PCBD2: variants seen among roughly 807,000 people sequenced by gnomAD.
The protein encoded by PCBD2 is pterin-4-alpha-carbinolamine dehydratase 2.
PCBD2 carries 12 observed loss-of-function variants against 16.4 expected under a neutral mutation model. The ratio of observed to expected loss-of-function variants is 0.73; its 90% CI spans 0.47 to 1.19. The LOEUF (loss-of-function observed/expected upper bound fraction) is 1.19. PCBD2 is among the 50% of genes most tolerant of loss of function. The pLI is 0.00. For synonymous variants in PCBD2, 58 were observed against 61.8 expected, an observed-to-expected ratio of 0.94 and a Z score of 0.29; for missense variants, 138 against 156.8, an observed-to-expected ratio of 0.88 and a Z score of 0.64.
intron 2 of PCBD2, among the ~76,000 whole-genome samples, chr5:134,947,520 T>G (rs1751309912): frequency 6.6e-6 from 1 of 150,420 alleles, no homozygotes; most frequent in African/African-American, 2.5e-5. Flanking sequence ...CCCGAGTAGG[T>G]GGCACTACAG....
intron 2 of PCBD2, among the ~76,000 whole-genome samples, chr5:134,930,194 C>T (rs1310445669): frequency 6.6e-6 from 1 of 152,196 alleles, no homozygotes; most frequent in Non-Finnish European, 1.5e-5. Context: ...ACTCATGTCT[C>T]TCTCCAGCTA....
intron 2 of PCBD2, among the ~76,000 whole-genome samples, chr5:134,949,011 GAT>G (rs1751330306): frequency 1.3e-5 from 2 of 152,100 alleles, no homozygotes; most frequent in African/African-American, 4.8e-5. Context: ...CTCTGTGGCG[GAT>G]CAAGTAGATG....
chr5:134,923,459 A>G (rs77249591), intron 2 of PCBD2: 1 of 241,482 alleles, frequency 4.1e-6, no homozygotes, highest in East Asian at 8.2e-5. Context: ...GTAGGAATAG[A>G]AGGTGGAGCG....
intron 2 of PCBD2, among the ~76,000 whole-genome samples, chr5:134,954,790 G>C (rs1751396282): frequency 6.6e-6 from 1 of 151,608 alleles, no homozygotes; most frequent in Admixed American, 6.6e-5. Context: ...CACCCAGGCT[G>C]GAGTGCAGTG....
intron 3 of PCBD2, among the ~76,000 whole-genome samples, chr5:134,959,984 G>A (rs1457258448): frequency 2.1e-5 from 3 of 142,072 alleles, no homozygotes; most frequent in Admixed American, 7.6e-5. Context: ...TCCACCTCCC[G>A]GGTTCAAGCG....
At position 134,959,071 on chromosome 5, in the gene PCBD2, A is replaced by T. The variant is rs1471578941; in HGVS notation, c.248A>T (p.Gln83Leu). ...GGCTTTATGTCCCGAGTTGCCCTAC[A>T]AGCAGAGAAGATGAATCATCACCCA... ...AFGFMSRVALQAEKMNHHPEW... is the reference protein window; with the variant it reads ...AFGFMSRVALLAEKMNHHPEW... Residue 83 changes from glutamine to leucine, a missense_variant, in exon 3 of 4, where the codon CAA (glutamine) becomes CTA (leucine). By Grantham distance (113) the Gln-to-Leu change is moderately radical. Transcript: ENST00000254908. 6 of 1,613,956 alleles carry T rather than the reference A, an allele frequency of 3.7e-6. No homozygotes were observed. Among genetic ancestry groups the T allele is most frequent in the Non-Finnish European group, 5.1e-6 (6 of 1,179,968 alleles).
At chr5:134,929,891 C>T (rs936245282) in intron 2 of PCBD2, among the ~76,000 whole-genome samples, 3 of 152,136 alleles carry the variant, frequency 2.0e-5, no homozygotes, top group Admixed American at 1.3e-4. Context: ...GACAAGGTCT[C>T]GCTATGTTGC....
intron 2 of PCBD2, chr5:134,926,446 G>A (rs887232389): frequency 1.0e-5 from 4 of 393,158 alleles, no homozygotes; most frequent in African/African-American, 8.3e-5. Flanking sequence ...GGGTATAGTA[G>A]CGTACATGGT....
intron 2 of PCBD2, among the ~76,000 whole-genome samples, chr5:134,954,238 G>C (rs774043138): frequency 6.6e-6 from 1 of 152,198 alleles, no homozygotes; most frequent in Non-Finnish European, 1.5e-5. Context: ...TGGGATTACA[G>C]GCATGAACCA....
chr5:134,957,992 AC>A (rs1751433775), intron 2 of PCBD2, among the ~76,000 whole-genome samples: 1 of 152,240 alleles, frequency 6.6e-6, no homozygotes, highest in Non-Finnish European at 1.5e-5. Flanking sequence ...TAGGAAATAC[AC>A]ACTTAGGTCA....
chr5:134,937,700 T>C (rs984674262), intron 2 of PCBD2, among the ~76,000 whole-genome samples: 1 of 152,238 alleles, frequency 6.6e-6, no homozygotes, highest in Non-Finnish European at 1.5e-5. Context: ...CACTCACTGC[T>C]TCCTGTCAGA....
intron 3 of PCBD2, among the ~76,000 whole-genome samples, chr5:134,960,064 G>C (rs1278192046): frequency 6.6e-6 from 1 of 151,834 alleles, no homozygotes; most frequent in Non-Finnish European, 1.5e-5. Flanking sequence ...ATTTTTAGTA[G>C]ATACGGGGTT....
chr5:134,943,234 G>A (rs1170573311), intron 2 of PCBD2, among the ~76,000 whole-genome samples: 1 of 152,174 alleles, frequency 6.6e-6, no homozygotes, highest in Non-Finnish European at 1.5e-5. Flanking sequence ...TTCCATTCAT[G>A]AGGCCATAGA....
At chr5:134,945,702 TA>T (rs1454483687) in intron 2 of PCBD2, among the ~76,000 whole-genome samples, 2 of 152,192 alleles carry the variant, frequency 1.3e-5, no homozygotes, top group African/African-American at 4.8e-5. Context: ...TTCTAGATTT[TA>T]AAAAAGTGGC....
At chr5:134,952,336 C>G (rs1292311405) in intron 2 of PCBD2, among the ~76,000 whole-genome samples, 1 of 152,060 alleles carries the variant, frequency 6.6e-6, no homozygotes. Flanking sequence ...ACTATTTCTA[C>G]TTTTTGGAAT....
At chr5:134,948,306 G>A (rs1751321937) in intron 2 of PCBD2, among the ~76,000 whole-genome samples, 1 of 152,184 alleles carries the variant, frequency 6.6e-6, no homozygotes, top group African/African-American at 2.4e-5. Context: ...TCAGGGAAAA[G>A]ATACTCATAG....
At chr5:134,906,877 C>G (rs1422929382) in intron 1 of PCBD2, among the ~76,000 whole-genome samples, 1 of 152,184 alleles carries the variant, frequency 6.6e-6, no homozygotes, top group African/African-American at 2.4e-5. Flanking sequence ...CAAATCCTAG[C>G]CTACCCCCCA....
chr5:134,944,069 A>G (rs2149538164), intron 2 of PCBD2, among the ~76,000 whole-genome samples: 1 of 152,346 alleles, frequency 6.6e-6, no homozygotes, highest in Middle Eastern at 3.4e-3. Flanking sequence ...AACCAAGTTT[A>G]TAAAAATTTG....
chr5:134,924,281 A>G, intron 2 of PCBD2: 1 of 392,434 alleles, frequency 2.5e-6, no homozygotes, highest in Non-Finnish European at 4.5e-6. Context: ...ACATGGGTTT[A>G]ATGGTTTTTT....
Sources: gnomAD v4.1 joint callset for allele counts (sites outside exome capture counted in the v4.1 genomes callset) on GRCh38, gnomAD v4.1.1 for gene constraint, MANE v1.5 for transcripts, NCBI Gene and HGNC (gene_info 2026-07-23, HGNC 2026-07-21) for gene names.